The following CAB39L variants were observed in gnomAD, a reference collection of about 807,000 sequenced individuals.
The protein encoded by CAB39L is calcium-binding protein 39-like.
CAB39L carries 23 observed loss-of-function variants against 39.1 expected under a neutral mutation model. That is an observed-to-expected ratio of 0.59 (90% confidence interval 0.42 to 0.83). CAB39L has a LOEUF of 0.83. CAB39L is among the 40% of genes least tolerant of loss of function. The pLI is 0.00. For synonymous variants in CAB39L, 126 were observed against 137.2 expected, an observed-to-expected ratio of 0.92 and a Z score of 0.57; for missense variants, 366 against 391.9, an observed-to-expected ratio of 0.93 and a Z score of 0.56.
At position 49,421,550 on chromosome 13, in the gene CAB39L, G is replaced by A. The variant is rs75659615; in HGVS notation, c.-32+11768C>T. On this transcript the variant is annotated intron_variant, in intron 3 of 10. Coordinates refer to ENST00000409308, the MANE Select transcript of CAB39L (RefSeq NM_001079670.3). ...ATCAGTCACAAGGTGCTCCTCCCCCGACTGCAGGAGTGGTGCCAGAGGAGA... is the reference window on the plus strand; with the variant it reads ...ATCAGTCACAAGGTGCTCCTCCCCCAACTGCAGGAGTGGTGCCAGAGGAGA... 5.9e-3 allele frequency among the ~76,000 whole-genome samples: 892 copies of A among 152,158 alleles called. 14 individuals are homozygous for A. The highest frequency in any genetic ancestry group is 0.021 in the African/African-American group (868 of 41,508).
intron 3 of CAB39L, among the ~76,000 whole-genome samples, chr13:49,397,312 G>A (rs1261110201): frequency 1.3e-5 from 2 of 152,006 alleles, no homozygotes; most frequent in African/African-American, 2.4e-5. Flanking sequence ...GTTTTTATAA[G>A]TTTTATTAAC....
At chr13:49,441,602 G>T (rs1241333417) in intron 1 of CAB39L, among the ~76,000 whole-genome samples, 1 of 152,138 alleles carries the variant, frequency 6.6e-6, no homozygotes, top group Non-Finnish European at 1.5e-5. Context: ...ATGTTACACT[G>T]TATGGACATG....
At chr13:49,325,295 C>T (rs777906001) in intron 10 of CAB39L, among the ~76,000 whole-genome samples, 1 of 152,240 alleles carries the variant, frequency 6.6e-6, no homozygotes, top group South Asian at 2.1e-4. Context: ...GCTGAATGTT[C>T]GACACCATTT....
At chr13:49,325,696 G>A (rs530347978) in intron 10 of CAB39L, among the ~76,000 whole-genome samples, 2 of 152,330 alleles carry the variant, frequency 1.3e-5, no homozygotes, top group South Asian at 4.1e-4. Context: ...GGCTGAGACA[G>A]GAGAATCACT....
chr13:49,339,382 C>T (rs1196413878), intron 9 of CAB39L, among the ~76,000 whole-genome samples: 2 of 152,124 alleles, frequency 1.3e-5, no homozygotes, highest in African/African-American at 2.4e-5. Context: ...CCGCCCACTT[C>T]GGCCTCCCAA....
At chr13:49,377,871 C>T (rs1400394222) in intron 4 of CAB39L, among the ~76,000 whole-genome samples, 4 of 83,352 alleles carry the variant, frequency 4.8e-5, no homozygotes, top group African/African-American at 2.1e-4. Context: ...AAGTGAGGAG[C>T]GTCTCCGCCC....
chr13:49,367,957 A>G (rs1955813712), intron 5 of CAB39L, among the ~76,000 whole-genome samples: 1 of 152,094 alleles, frequency 6.6e-6, no homozygotes, highest in South Asian at 2.1e-4. Flanking sequence ...TGAATTACAT[A>G]AATTTTATTT....
intron 10 of CAB39L, among the ~76,000 whole-genome samples, chr13:49,331,423 A>G (rs1253245570): frequency 6.6e-6 from 1 of 152,128 alleles, no homozygotes; most frequent in Non-Finnish European, 1.5e-5. Context: ...CCGAGATCGC[A>G]CCACTGCACT....
Position 49,370,729 on chromosome 13 carries a change from C to T in CAB39L, c.276+6238G>A, listed in dbSNP as rs182343857. 3.4e-4 allele frequency among the ~76,000 whole-genome samples: 52 copies of T among 152,264 alleles called. 1 individual carries two copies. The East Asian group carries it at 6.8e-3, about 20-fold the overall frequency. On this transcript the variant is annotated intron_variant, in intron 5 of 10. Transcript: ENST00000409308. ...ATTACATTCCTTAAAATGTCTGGTA[C>T]GATCAAACTAATGGTCACTGTCTTA...
intron 3 of CAB39L, chr13:49,420,389 A>G (rs1480335126): frequency 6.6e-6 from 1 of 152,222 alleles, no homozygotes; most frequent in African/African-American, 2.4e-5. Context: ...AGCATTTTGC[A>G]GTTATAGTTA....
chr13:49,426,433 A>ATT (rs879663024), intron 3 of CAB39L, among the ~76,000 whole-genome samples: 7 of 148,824 alleles, frequency 4.7e-5, no homozygotes, highest in African/African-American at 1.7e-4. Flanking sequence ...TCTTTAAAAT[A>ATT]TTTTTTTTTT....
intron 3 of CAB39L, among the ~76,000 whole-genome samples, chr13:49,418,496 G>A (rs570209620): frequency 2.7e-4 from 41 of 152,274 alleles, no homozygotes; most frequent in African/African-American, 9.1e-4. Context: ...AAAAACTACT[G>A]ACTTGTACAC....
At chr13:49,393,615 A>T (rs76972112) in intron 3 of CAB39L, among the ~76,000 whole-genome samples, 2,581 of 151,990 alleles carry the variant, frequency 0.017, 71 homozygotes, top group African/African-American at 0.057. Flanking sequence ...TAATGAGCAC[A>T]TTTCTTTTTT....
intron 3 of CAB39L, among the ~76,000 whole-genome samples, chr13:49,402,647 G>A (rs1956797958): frequency 6.6e-6 from 1 of 152,236 alleles, no homozygotes; most frequent in South Asian, 2.1e-4. Context: ...ATAAGCTTAA[G>A]TAAGGTGAAA....
chr13:49,358,677 T>C (rs1955548730), intron 6 of CAB39L, among the ~76,000 whole-genome samples: 1 of 151,868 alleles, frequency 6.6e-6, no homozygotes, highest in Non-Finnish European at 1.5e-5. Flanking sequence ...CCTGGCCAAA[T>C]AGTGAAAACC....
chr13:49,396,896 G>A (rs1956647397), intron 3 of CAB39L, among the ~76,000 whole-genome samples: 1 of 151,994 alleles, frequency 6.6e-6, no homozygotes, highest in Non-Finnish European at 1.5e-5. Flanking sequence ...AATACTAATT[G>A]AACCATTCTC....
intron 5 of CAB39L, 76 bp downstream of exon 5, chr13:49,376,891 G>GTAGACAGATAGATAGA (rs1555260019): frequency 1.3e-6 from 1 of 771,618 alleles, no homozygotes; most frequent in African/African-American, 1.9e-5. Context: ...AAGTTGAATA[G>GTAGACAGATAGATAGA]TAGATAGATA....
intron 10 of CAB39L, among the ~76,000 whole-genome samples, chr13:49,323,715 G>T (rs534350076): frequency 8.5e-5 from 13 of 152,172 alleles, no homozygotes; most frequent in Non-Finnish European, 1.6e-4. Context: ...CAAACATTTT[G>T]TCAGAAAGAT....
At chr13:49,440,496 C>T (rs1398398508) in intron 1 of CAB39L, among the ~76,000 whole-genome samples, 1 of 151,934 alleles carries the variant, frequency 6.6e-6, no homozygotes, top group African/African-American at 2.4e-5. Context: ...TTTTTGGTTA[C>T]TGTAGCCTCA....
Sources: allele counts gnomAD v4.1 joint callset (sites outside exome capture counted in the v4.1 genomes callset), GRCh38; gene constraint gnomAD v4.1.1; transcripts MANE v1.5; gene names NCBI Gene and HGNC (gene_info 2026-07-23, HGNC 2026-07-21).